Variants in IQCJ observed in about 807,000 individuals in gnomAD.
The protein encoded by IQCJ is IQ domain-containing protein J.
Under a neutral mutation model 11.0 loss-of-function variants are expected in IQCJ, and 9 were observed. That is an observed-to-expected ratio of 0.82 (90% CI 0.49 to 1.43). The LOEUF (loss-of-function observed/expected upper bound fraction) is 1.43. Ranked by LOEUF, IQCJ falls within the 40% of genes most tolerant of loss-of-function variation. The probability of loss-of-function intolerance (pLI) is 0.00; values close to 1 mark genes in which losing one functional copy is unlikely to be tolerated. For missense variants in IQCJ, 146 were observed against 133.2 expected, an observed-to-expected ratio of 1.10 and a Z score of -0.47; for synonymous variants, 55 against 51.3, an observed-to-expected ratio of 1.07 and a Z score of -0.31.
At chr3:159,160,459 C>T (rs1408706975) in intron 1 of IQCJ, among the ~76,000 whole-genome samples, 5 of 151,870 alleles carry the variant, frequency 3.3e-5, no homozygotes, top group African/African-American at 9.7e-5. Context: ...TGTGCCATCA[C>T]GCCCAGCTGA....
chr3:159,193,110 A>G (rs1723783864), intron 1 of IQCJ, among the ~76,000 whole-genome samples: 1 of 152,194 alleles, frequency 6.6e-6, no homozygotes, highest in Non-Finnish European at 1.5e-5. Context: ...CGTAACTGCT[A>G]CATTTGACCT....
chr3:159,216,058 T>G (rs1395397508), intron 1 of IQCJ, among the ~76,000 whole-genome samples: 2 of 132,820 alleles, frequency 1.5e-5, no homozygotes, highest in African/African-American at 5.7e-5. Flanking sequence ...GAGGGAAAAG[T>G]TTTGAGAAAA....
At chr3:159,111,904 C>T (rs554023047) in intron 1 of IQCJ, among the ~76,000 whole-genome samples, 2 of 152,136 alleles carry the variant, frequency 1.3e-5, no homozygotes, top group South Asian at 4.1e-4. Context: ...TTTATACATA[C>T]TTAAATAACA....
chr3:159,188,115 T>TA (rs1411488988), intron 1 of IQCJ, among the ~76,000 whole-genome samples: 31 of 152,140 alleles, frequency 2.0e-4, no homozygotes, highest in Admixed American at 2.0e-3. Context: ...TCTTTCACTT[T>TA]AAAAAAATAC....
intron 1 of IQCJ, among the ~76,000 whole-genome samples, chr3:159,180,286 C>A (rs1215784947): frequency 6.7e-6 from 1 of 149,888 alleles, no homozygotes; most frequent in Non-Finnish European, 1.5e-5. Flanking sequence ...CAGGACATTT[C>A]TCTCTCTCTC....
Position 159,229,950 on chromosome 3 carries a change from G to A in IQCJ, c.10-15893G>A, listed in dbSNP as rs187800337. Among the ~76,000 whole-genome samples, 207 of 146,042 alleles carry A rather than the reference G, an allele frequency of 1.4e-3. 1 individual carries two copies. The highest frequency in any genetic ancestry group is 5.1e-3 in the African/African-American group (198 of 38,954). ...TTCAGCTTTGATTTTAGATACAGGG[G>A]GTTCATGTGTAGGATTGTTACATGG... On this transcript the variant is annotated intron_variant, in intron 1 of 3. Transcript: ENST00000397832.
At chr3:159,079,550 G>A (rs1647767860) in intron 1 of IQCJ, among the ~76,000 whole-genome samples, 1 of 151,936 alleles carries the variant, frequency 6.6e-6, no homozygotes, top group South Asian at 2.1e-4. Flanking sequence ...GAATCAAGAT[G>A]AAAGAAAATA....
At chr3:159,161,218 A>G (rs1188053426) in intron 1 of IQCJ, among the ~76,000 whole-genome samples, 6 of 152,132 alleles carry the variant, frequency 3.9e-5, no homozygotes, top group Admixed American at 3.9e-4. Flanking sequence ...AATGATTGCC[A>G]TTGTAACTGG....
intron 3 of IQCJ, among the ~76,000 whole-genome samples, chr3:159,262,312 G>A (rs115818666): frequency 1.2e-3 from 177 of 152,320 alleles, no homozygotes; most frequent in African/African-American, 3.9e-3. Flanking sequence ...CTTTTAGGCC[G>A]GTTGAGTGCA....
intron 1 of IQCJ, among the ~76,000 whole-genome samples, chr3:159,193,867 A>G (rs1723833617): frequency 6.6e-6 from 1 of 152,008 alleles, no homozygotes. Context: ...GCTTATGTGT[A>G]CTCTCCAACT....
intron 1 of IQCJ, among the ~76,000 whole-genome samples, chr3:159,115,988 G>C (rs1718970999): frequency 6.6e-6 from 1 of 152,100 alleles, no homozygotes; most frequent in African/African-American, 2.4e-5. Context: ...GTTGATGGGT[G>C]CAGCAAACCA....
chr3:159,210,523 T>C (rs1724895611), intron 1 of IQCJ, among the ~76,000 whole-genome samples: 1 of 152,222 alleles, frequency 6.6e-6, no homozygotes, highest in African/African-American at 2.4e-5. Flanking sequence ...TGTTTATGTC[T>C]CTGACTCCTG....
At chr3:159,174,245 G>T (rs1024967868) in intron 1 of IQCJ, among the ~76,000 whole-genome samples, 3 of 151,996 alleles carry the variant, frequency 2.0e-5, no homozygotes, top group African/African-American at 7.2e-5. Context: ...TTTCTCTAAA[G>T]ATTTTAAGCA....
intron 1 of IQCJ, among the ~76,000 whole-genome samples, chr3:159,212,098 G>A (rs1227171660): frequency 6.6e-6 from 1 of 151,498 alleles, no homozygotes; most frequent in Non-Finnish European, 1.5e-5. Flanking sequence ...CCACAGAGTA[G>A]CTGTGAATGG....
intron 1 of IQCJ, among the ~76,000 whole-genome samples, chr3:159,093,723 CTTA>C (rs1209871532): frequency 6.6e-6 from 1 of 151,818 alleles, no homozygotes; most frequent in African/African-American, 2.4e-5. Flanking sequence ...CCTCAGTAAA[CTTA>C]TTAATACAAT....
chr3:159,092,240 A>T (rs1237741177), intron 1 of IQCJ, among the ~76,000 whole-genome samples: 1 of 151,966 alleles, frequency 6.6e-6, no homozygotes, highest in Non-Finnish European at 1.5e-5. Context: ...TCACAAGGAT[A>T]CAGTCAGACA....
intron 1 of IQCJ, among the ~76,000 whole-genome samples, chr3:159,132,283 C>G (rs933016125): frequency 1.3e-5 from 2 of 152,082 alleles, no homozygotes; most frequent in Non-Finnish European, 2.9e-5. Flanking sequence ...CTTTTAAGCT[C>G]TAAGTAACTA....
At position 159,226,615 on chromosome 3, in the gene IQCJ, C is replaced by T. The variant is rs150276700; in HGVS notation, c.10-19228C>T. On this transcript the variant is annotated intron_variant, in intron 1 of 3. Transcript: ENST00000397832. ...ATCCCGTAAATTTCTGGAACTTCTG[C>T]GAATCTTACTTTTAAATAAAGAGTT... 3.8e-3 allele frequency among the ~76,000 whole-genome samples: 584 copies of T among 152,242 alleles called. 4 individuals carry two copies. Among genetic ancestry groups the T allele is most frequent in the African/African-American group, 0.013 (550 of 41,526 alleles).
intron 1 of IQCJ, among the ~76,000 whole-genome samples, chr3:159,133,304 C>T (rs1490785138): frequency 1.3e-5 from 2 of 152,126 alleles, no homozygotes; most frequent in Admixed American, 1.3e-4. Flanking sequence ...CTAAAAATAA[C>T]ATTGTGTCAG....
Sources: gnomAD v4.1 joint callset for allele counts (sites outside exome capture counted in the v4.1 genomes callset) on GRCh38, gnomAD v4.1.1 for gene constraint, MANE v1.5 for transcripts, NCBI Gene and HGNC (gene_info 2026-07-23, HGNC 2026-07-21) for gene names.